The following DCLK3 variants were observed in gnomAD, a reference collection of about 807,000 sequenced individuals.
The protein encoded by DCLK3 is doublecortin like kinase 3, also known as serine/threonine-protein kinase DCLK3.
In DCLK3, 30 loss-of-function variants were observed where a neutral mutation model predicts 46.4. That is an observed-to-expected ratio of 0.65 (90% CI 0.48 to 0.88). The LOEUF is 0.88. Ranked by LOEUF, DCLK3 falls within the 40% of genes least tolerant of loss-of-function variation. The pLI is 0.00. For synonymous variants in DCLK3, 401 were observed against 339.2 expected (o/e 1.18, Z -2.00); for missense variants, 846 against 907.1 (o/e 0.93, Z 0.87).
chr3:36,760,464 C>T (rs1701528643), intron 1 of DCLK3, among the ~76,000 whole-genome samples: 1 of 122,928 alleles, frequency 8.1e-6, no homozygotes, highest in East Asian at 2.5e-4. Context: ...CATCACACAC[C>T]GGGACCTGTT....
chr3:36,743,546 A>C (rs1448775612), intron 1 of DCLK3, among the ~76,000 whole-genome samples: 2 of 152,196 alleles, frequency 1.3e-5, no homozygotes, highest in Non-Finnish European at 2.9e-5. Flanking sequence ...TGTTCTTATT[A>C]ACATCTTATT....
chr3:36,764,551 C>T lies in DCLK3; in HGVS notation c.-288G>A, dbSNP rs1424140000. On this transcript the variant is annotated 5_prime_UTR_variant, in exon 1 of 5. Coordinates refer to ENST00000636136, the MANE Select transcript of DCLK3 (RefSeq NM_001394672.2). This position sits in a 1 kb window ranked among gnomAD's most constrained non-coding sequence, Gnocchi z 4.9. ...GTCCCGCCATGCGCGCCGCTCCTGG[C>T]CCTGGAGGCCGGGCGGGGCCGGGCT... Among the ~76,000 whole-genome samples, 2 of 152,140 alleles carry T rather than the reference C, an allele frequency of 1.3e-5. No individual in the cohort carries two copies. Among genetic ancestry groups the T allele is most frequent in the Non-Finnish European group, 2.9e-5 (2 of 68,002 alleles).
intron 1 of DCLK3, among the ~76,000 whole-genome samples, chr3:36,748,132 T>C (rs1438520002): frequency 6.6e-6 from 1 of 152,178 alleles, no homozygotes; most frequent in African/African-American, 2.4e-5. Context: ...AGTGGGTTTA[T>C]TTTTCCAAGA....
intron 1 of DCLK3, among the ~76,000 whole-genome samples, chr3:36,751,062 C>CAAAAAAAAA: frequency 7.3e-5 from 1 of 13,608 alleles, no homozygotes; most frequent in African/African-American, 2.4e-4. Context: ...ACGGGATGAT[C>CAAAAAAAAA]TAAAAAAAAA....
chr3:36,723,180 T>C (rs191759964), intron 2 of DCLK3, among the ~76,000 whole-genome samples: 176 of 152,330 alleles, frequency 1.2e-3, no homozygotes, highest in Non-Finnish European at 1.7e-3. Flanking sequence ...ATTTTGCCCC[T>C]GCCCTAGAGA....
chr3:36,755,024 A>G (rs1376087149), intron 1 of DCLK3, among the ~76,000 whole-genome samples: 3 of 152,252 alleles, frequency 2.0e-5, no homozygotes, highest in Non-Finnish European at 2.9e-5. Flanking sequence ...CATAACTGCA[A>G]TAAATTGAAA....
chr3:36,757,211 G>A (rs1260778936), intron 1 of DCLK3, among the ~76,000 whole-genome samples: 1 of 152,022 alleles, frequency 6.6e-6, no homozygotes, highest in East Asian at 1.9e-4. Flanking sequence ...CTGTTTGTGT[G>A]GCTTTGTGTT....
intron 1 of DCLK3, among the ~76,000 whole-genome samples, chr3:36,761,685 G>A (rs368800794): frequency 4.6e-5 from 7 of 152,222 alleles, no homozygotes; most frequent in Admixed American, 1.3e-4. Context: ...AAAGGAAAAC[G>A]TCTTCAAGCA....
chr3:36,715,365 C>T lies in DCLK3; in HGVS notation c.2417G>A (p.Arg806Gln), dbSNP rs780591358. ...QVSPSSEGHF[R>Q]SQHKRVVEQV... is the part of the protein sequence containing the mutation. ...CTCCACAACCCTCTTGTGCTGGCTC[C>T]GGAAGTGACCCTCGCTGCTGGGGGA... The change falls in exon 5 of 5, where the codon CGG (arginine) becomes CAG (glutamine). Residue 806 changes from arginine (R) to glutamine (Q), a missense_variant. Around this residue, in one of 3 missense-constraint regions of DCLK3, gnomAD observed 46 missense variants for 41.3 expected, o/e 1.11. Coordinates refer to ENST00000636136, the MANE Select transcript of DCLK3 (RefSeq NM_001394672.2). 10 of 1,614,116 alleles carry T rather than the reference C, an allele frequency of 6.2e-6. No individual in the cohort carries two copies. Among genetic ancestry groups the T allele is most frequent in the Middle Eastern group, 1.7e-4 (1 of 6,058 alleles).
In DCLK3 at chr3:36,713,054, G is replaced by A. The variant is rs148791536; in HGVS notation, c.*2274C>T. The A allele has an allele frequency of 9.2e-5, 14 of 152,318 alleles. No individual in the cohort carries two copies. The highest frequency in any genetic ancestry group is 1.9e-4 in the East Asian group (1 of 5,186). The allele number at this position is 152,318 out of a possible 1,614,324, so 9.4% of individuals were successfully genotyped here. A position where few individuals can be genotyped will look rare whatever the true frequency, so the allele number is the denominator to read the frequency against. On this transcript the variant is annotated 3_prime_UTR_variant, in exon 5 of 5. Transcript: ENST00000636136. ...TTTTATACTCCCAGCAGCAATGTAC[G>A]GGAAGTTCCAGTCACTCTGCATCCT...
At chr3:36,759,354 A>T (rs2125539797) in intron 1 of DCLK3, among the ~76,000 whole-genome samples, 1 of 152,318 alleles carries the variant, frequency 6.6e-6, no homozygotes, top group Non-Finnish European at 1.5e-5. Context: ...ATTCCAGACG[A>T]GCCAGAGAGA....
chr3:36,718,494 C>T (rs543483902), intron 3 of DCLK3, among the ~76,000 whole-genome samples: 16 of 152,320 alleles, frequency 1.1e-4, no homozygotes, highest in Admixed American at 2.6e-4. Context: ...AAGACTGTGA[C>T]GCTCAGTTGC....
chr3:36,751,815 C>T (rs1160155088), intron 1 of DCLK3, among the ~76,000 whole-genome samples: 2 of 152,156 alleles, frequency 1.3e-5, no homozygotes, highest in African/African-American at 4.8e-5. Flanking sequence ...GGTAGGCTGG[C>T]AATGAACAGG....
At chr3:36,717,929 G>A in intron 4 of DCLK3, 81 bp downstream of exon 4, 1 of 1,555,494 alleles carries the variant, frequency 6.4e-7, no homozygotes, top group Non-Finnish European at 8.8e-7. Flanking sequence ...CTCTGCACCA[G>A]GCACAGTGGT....
intron 2 of DCLK3, among the ~76,000 whole-genome samples, chr3:36,729,273 C>A (rs1271982947): frequency 1.3e-5 from 2 of 151,200 alleles, no homozygotes; most frequent in African/African-American, 2.4e-5. Context: ...CAAAAGCCCC[C>A]TTTACACACA....
intron 1 of DCLK3, among the ~76,000 whole-genome samples, chr3:36,759,287 C>G (rs1469148400): frequency 6.6e-6 from 1 of 152,198 alleles, no homozygotes; most frequent in Non-Finnish European, 1.5e-5. Context: ...TTCCCAGCCC[C>G]CTGCGCCCAC....
At chr3:36,743,284 A>C (rs1388018967) in intron 1 of DCLK3, among the ~76,000 whole-genome samples, 1 of 150,964 alleles carries the variant, frequency 6.6e-6, no homozygotes, top group African/African-American at 2.4e-5. Flanking sequence ...AAAAAAAAAA[A>C]AAAAAACTCC....
Position 36,752,992 on chromosome 3 carries a change from C to A in DCLK3, c.82+11190G>T, listed in dbSNP as rs1460069343. Among the ~76,000 whole-genome samples, 3 of 152,072 alleles carry A rather than the reference C, an allele frequency of 2.0e-5. 1 individual carries two copies. ...ATGTCCCTGGTATCTAATTTTGTAG[C>A]TTTTATACTAAAAATTGATATTGTC... On this transcript the variant is annotated intron_variant, in intron 1 of 4. Coordinates refer to ENST00000636136, the MANE Select transcript of DCLK3 (RefSeq NM_001394672.2).
At chr3:36,724,774 C>G (rs999935529) in intron 2 of DCLK3, among the ~76,000 whole-genome samples, 2 of 152,110 alleles carry the variant, frequency 1.3e-5, no homozygotes, top group Admixed American at 6.5e-5. Context: ...TCTCAGGTAT[C>G]TCTTTATCAG....
Sources: gnomAD v4.1 joint callset for allele counts (sites outside exome capture counted in the v4.1 genomes callset) on GRCh38, gnomAD v4.1.1 for gene constraint, gnomAD v4.1.1 regional missense constraint, Gnocchi (gnomAD v3.1) non-coding constraint, MANE v1.5 for transcripts, NCBI Gene and HGNC (gene_info 2026-07-23, HGNC 2026-07-21) for gene names.